NHSL2: variants seen among roughly 807,000 people sequenced by gnomAD.
NHSL2 encodes the protein NHS like 2.
NHSL2 carries 27 observed loss-of-function variants against 53.4 expected under a neutral mutation model. The ratio of observed to expected loss-of-function variants is 0.51; its 90% CI spans 0.37 to 0.70. The LOEUF is 0.70. Ranked by LOEUF, NHSL2 falls within the 30% of genes least tolerant of loss-of-function variation. The pLI is 0.00. For missense variants in NHSL2, 892 were observed against 980.1 expected, an observed-to-expected ratio of 0.91 and a Z score of 1.20; for synonymous variants, 408 against 404.1, an observed-to-expected ratio of 1.01 and a Z score of -0.12.
At chrX:72,095,608 G>A (rs769808519) in intron 1 of NHSL2, among the ~76,000 whole-genome samples, 3 of 112,037 alleles carry the variant, frequency 2.7e-5, no homozygotes, top group Admixed American at 9.4e-5. Flanking sequence ...TTGCCTCTAG[G>A]GCCCTGAAGG....
At chrX:71,971,152 T>C (rs2041923362) in intron 1 of NHSL2, among the ~76,000 whole-genome samples, 1 of 112,049 alleles carries the variant, frequency 8.9e-6, no homozygotes, top group Non-Finnish European at 1.9e-5. Flanking sequence ...TTTAATTCAT[T>C]TAATTATTTT....
chrX:72,070,225 T>C (rs956201328), intron 1 of NHSL2, among the ~76,000 whole-genome samples: 1 of 101,619 alleles, frequency 9.8e-6, no homozygotes, highest in Non-Finnish European at 2.0e-5. Context: ...CTACCTCATA[T>C]GCTGCATGCA....
intron 1 of NHSL2, among the ~76,000 whole-genome samples, chrX:72,109,574 A>G (rs2042074173): frequency 8.9e-6 from 1 of 111,987 alleles, no homozygotes; most frequent in African/African-American, 3.3e-5. Flanking sequence ...GGTTCAAGCC[A>G]TTCTCCTGCC....
intron 1 of NHSL2, among the ~76,000 whole-genome samples, chrX:71,970,516 A>G (rs1004915923): frequency 2.7e-5 from 3 of 110,970 alleles, no homozygotes; most frequent in African/African-American, 3.3e-5. Context: ...TTGTTGCCAT[A>G]TAGTTGTTCA....
intron 1 of NHSL2, among the ~76,000 whole-genome samples, chrX:72,026,796 C>G (rs917433406): frequency 8.9e-6 from 1 of 112,190 alleles, no homozygotes; most frequent in African/African-American, 3.2e-5. Flanking sequence ...CCCCATCTAC[C>G]CACTCATAAG....
At chrX:71,930,627 A>G (rs904124161) in intron 1 of NHSL2, among the ~76,000 whole-genome samples, 5 of 112,504 alleles carry the variant, frequency 4.4e-5, no homozygotes, top group Admixed American at 9.4e-5. Context: ...ATTTCGTATT[A>G]ATGGAGTCAT....
In NHSL2 at chrX:71,911,311, T is replaced by C. The variant is rs2147804278; in HGVS notation, c.224T>C (p.Leu75Pro). 1 of 1,127,803 alleles carries C rather than the reference T, an allele frequency of 8.9e-7. No homozygotes were observed. Among genetic ancestry groups the C allele is most frequent in the South Asian group, 2.0e-5 (1 of 49,475 alleles). The allele number at this position is 1,127,803 out of a possible 1,213,427, so 92.9% of individuals were successfully genotyped here. Residue 75 changes from leucine (L) to proline (P), a missense_variant, in exon 1 of 8, where the codon CTC becomes CCC. Coordinates refer to ENST00000633930, the MANE Select transcript of NHSL2 (RefSeq NM_001013627.3). ...TDSLYRRTVR[L>P]RRRLPCRLLG... is the part of the protein sequence containing the mutation. ...AGCCTGTACCGGCGCACCGTGCGCC[T>C]CCGCCGCCGCCTTCCCTGCCGCCTG...
intron 1 of NHSL2, among the ~76,000 whole-genome samples, chrX:72,077,915 G>C (rs1235849814): frequency 8.9e-6 from 1 of 112,868 alleles, no homozygotes; most frequent in Non-Finnish European, 1.9e-5. Context: ...TAGGAGGACT[G>C]CTAGGAAACA....
intron 1 of NHSL2, among the ~76,000 whole-genome samples, chrX:71,950,370 C>A (rs1305430505): frequency 8.9e-6 from 1 of 112,844 alleles, no homozygotes; most frequent in Non-Finnish European, 1.9e-5. Flanking sequence ...ACTCGGCAGG[C>A]ATCCCTCGCT....
intron 1 of NHSL2, chrX:72,131,106 C>T (rs2042290855): frequency 8.3e-7 from 1 of 1,204,117 alleles, no homozygotes; most frequent in Non-Finnish European, 1.1e-6. Context: ...CCAGCGGTGC[C>T]AGAGGGGGTT....
intron 1 of NHSL2, among the ~76,000 whole-genome samples, chrX:71,913,226 A>G (rs2041612777): frequency 9.0e-6 from 1 of 111,059 alleles, no homozygotes; most frequent in Non-Finnish European, 1.9e-5. Flanking sequence ...CTGATTTTCC[A>G]TTTTCTGGTC....
Position 72,140,382 on chromosome X carries a change from C to T in NHSL2, c.2834C>T (p.Ser945Leu), listed in dbSNP as rs150679534. 7.4e-6 allele frequency: 9 copies of T among 1,209,219 alleles called. No individual in the cohort carries two copies. The highest frequency in any genetic ancestry group is 7.0e-5 in the African/African-American group (4 of 57,090). Reference protein sequence around the residue: ...GRSPGESTAPSSLVFTPFASS... With the variant: ...GRSPGESTAPLSLVFTPFASS... ...AGCCCAGGGGAGTCAACAGCACCCT[C>T]ATCTCTTGTTTTCACGCCTTTTGCC... The change falls in exon 6 of 8, where the codon TCA becomes TTA. Residue 945 changes from serine (S) to leucine (L), a missense_variant. Coordinates refer to ENST00000633930, the MANE Select transcript of NHSL2 (RefSeq NM_001013627.3).
intron 1 of NHSL2, among the ~76,000 whole-genome samples, chrX:72,057,954 T>A (rs1209903781): frequency 8.9e-6 from 1 of 112,446 alleles, no homozygotes; most frequent in Non-Finnish European, 1.9e-5. Context: ...TTTTATTAAA[T>A]CTCAAGCCTG....
At chrX:72,005,338 C>T (rs911916433) in intron 1 of NHSL2, among the ~76,000 whole-genome samples, 5 of 112,282 alleles carry the variant, frequency 4.5e-5, no homozygotes, top group Non-Finnish European at 9.4e-5. Context: ...GCTGAGATCA[C>T]AGTGGAGAAC....
chrX:71,978,760 T>G (rs1322899088), intron 1 of NHSL2, among the ~76,000 whole-genome samples: 10 of 108,425 alleles, frequency 9.2e-5, no homozygotes, highest in African/African-American at 3.4e-4. Context: ...GTCAAGGTTT[T>G]TTTTTTTTTT....
intron 1 of NHSL2, among the ~76,000 whole-genome samples, chrX:71,988,749 C>T (rs1246487806): frequency 9.0e-6 from 1 of 111,301 alleles, no homozygotes; most frequent in African/African-American, 3.3e-5. Context: ...GAAAAGGGTC[C>T]AGATCCAGAC....
chrX:71,944,755 A>G (rs1462941403), intron 1 of NHSL2, among the ~76,000 whole-genome samples: 1 of 112,148 alleles, frequency 8.9e-6, no homozygotes, highest in African/African-American at 3.2e-5. Flanking sequence ...TTTGCACCCA[A>G]AGAAAAAAAT....
intron 1 of NHSL2, among the ~76,000 whole-genome samples, chrX:72,042,138 C>T (rs1354437779): frequency 1.8e-5 from 2 of 112,723 alleles, no homozygotes; most frequent in Admixed American, 1.9e-4. Context: ...GCCTTGCAGG[C>T]ATCATGGATG....
rs143390485 is a variant in NHSL2, at chrX:71,947,368, C to T, written c.280+36001C>T. 8.9e-5 allele frequency among the ~76,000 whole-genome samples: 10 copies of T among 112,112 alleles called. No individual in the cohort carries two copies. In the East Asian group the frequency reaches 1.7e-3, roughly 19 times the overall value. On this transcript the variant is annotated intron_variant, in intron 1 of 7. Coordinates refer to ENST00000633930, the MANE Select transcript of NHSL2 (RefSeq NM_001013627.3). Reference sequence around the variant, plus strand: ...CTGCAGATGTACTAACTTTAGTTCCCGGAACCGGATTGAAAGGACTAGAAT... The same window carrying T: ...CTGCAGATGTACTAACTTTAGTTCCTGGAACCGGATTGAAAGGACTAGAAT...
Sources: gnomAD v4.1 joint callset for allele counts (sites outside exome capture counted in the v4.1 genomes callset) on GRCh38, gnomAD v4.1.1 for gene constraint, MANE v1.5 for transcripts, NCBI Gene and HGNC (gene_info 2026-07-23, HGNC 2026-07-21) for gene names.